Variants in MEA1 observed in about 807,000 individuals in gnomAD.
MEA1 encodes Male-enhanced antigen (H-Y structural gene).
MEA1 carries 22 observed loss-of-function variants against 21.4 expected under a neutral mutation model. That is an observed-to-expected ratio of 1.03 (90% CI 0.73 to 1.47). MEA1 has a LOEUF of 1.47. Among genes scored for constraint, MEA1 ranks in the 40% most tolerant of loss-of-function variants. The pLI is 0.00. For missense variants in MEA1, 233 were observed against 230.5 expected, an observed-to-expected ratio of 1.01 and a Z score of -0.07; for synonymous variants, 91 against 85.5, an observed-to-expected ratio of 1.06 and a Z score of -0.35.
chr6:43,013,671 C>T, intron 1 of MEA1, 115 bp downstream of exon 1: 2 of 1,157,388 alleles, frequency 1.7e-6, no homozygotes, highest in Admixed American at 2.2e-5. Context: ...TCCAGAACCC[C>T]GGCTCCCCGC....
intron 3 of MEA1, 60 bp downstream of exon 3, chr6:43,012,866 C>T: frequency 2.0e-6 from 3 of 1,498,854 alleles, no homozygotes; most frequent in Non-Finnish European, 2.8e-6. Flanking sequence ...CTTCCTTCTA[C>T]TGACTCATGC....
At chr6:43,015,055 A>G (rs1439214840), upstream of MEA1, among the ~76,000 whole-genome samples, 1 of 152,184 alleles carries the variant, frequency 6.6e-6, no homozygotes, top group Non-Finnish European at 1.5e-5. Flanking sequence ...GGAATTGCTT[A>G]TCTCCTCTCC....
intron 3 of MEA1, 81 bp from the exon 4 acceptor site, chr6:43,012,702 C>T: frequency 6.8e-7 from 1 of 1,479,102 alleles, no homozygotes; most frequent in Non-Finnish European, 9.1e-7. Context: ...CAACCCAGAG[C>T]CCTTGGGCTG....
chr6:43,011,259 C>G lies in MEA1; in HGVS notation c.*1211G>C. 6.2e-7 allele frequency: 1 copy of G among 1,614,072 alleles called. No individual in the cohort carries two copies. ...AGGCGCACAAGCGGGCGGAAGAGTT[C>G]CTAACTGCCAGCCAGGAGGCTCTCT... is the stretch of plus-strand genomic sequence containing the variant. On this transcript the variant is annotated 3_prime_UTR_variant, in exon 4 of 4. Transcript: ENST00000244711.
rs1460885270 is a variant in MEA1, at chr6:43,013,253, C to T, written c.165G>A (p.Glu55=). The T allele has an allele frequency of 1.2e-6, 2 of 1,614,194 alleles. No homozygotes were observed. The highest frequency in any genetic ancestry group is 2.2e-5 in the South Asian group (2 of 91,090). ...CCGACCCCGTTTCCTCCTGCTCTTC[C>T]TCAGGCTCCTCACTGCTCCAATCCC... is the stretch of plus-strand genomic sequence containing the variant. The part of the protein sequence containing the change: ...GTGDWSSEEP[E]EEQEETGSGP... Residue 55 remains glutamate (E), a synonymous_variant, in exon 2 of 4, where the codon GAG becomes GAA. Coordinates refer to ENST00000244711, the MANE Select transcript of MEA1 (RefSeq NM_014623.4).
rs757219011 is a variant in MEA1 at position 43,013,836 on chromosome 6, G to A, written c.-23C>T. 8 of 1,542,348 alleles carry A rather than the reference G, an allele frequency of 5.2e-6. No homozygotes were observed. The highest frequency in any genetic ancestry group is 7.0e-6 in the Non-Finnish European group (8 of 1,145,084). ...CATGGGCTCCCCTCAAATGGCCCCA[G>A]CTGCAGCGTCCCCCACCCGCCCCCA... On this transcript the variant is annotated 5_prime_UTR_variant, in exon 1 of 4. Coordinates refer to ENST00000244711, the MANE Select transcript of MEA1 (RefSeq NM_014623.4).
upstream of MEA1, among the ~76,000 whole-genome samples, chr6:43,016,168 C>T (rs1450622860): frequency 1.3e-5 from 2 of 152,106 alleles, no homozygotes; most frequent in African/African-American, 2.4e-5. Context: ...CTCTTGATCT[C>T]GTGATCCACC....
rs762197156 is a variant in MEA1, at chr6:43,013,401, G to A, written c.29-12C>T. 111 of 1,610,508 alleles carry A rather than the reference G, an allele frequency of 6.9e-5. 1 individual carries two copies. In the Middle Eastern group the frequency reaches 1.0e-3, roughly 14 times the overall value. ...CATCCGGGCAGGGGCTGCAAGAACA[G>A]GGAGGCGGTAGGACAGGGATCGGAT... is the stretch of plus-strand genomic sequence containing the variant. On this transcript the variant is annotated splice_polypyrimidine_tract_variant and intron_variant, in intron 1 of 3. Coordinates refer to ENST00000244711, the MANE Select transcript of MEA1 (RefSeq NM_014623.4).
At chr6:43,015,484 G>A (rs1459506395), upstream of MEA1, among the ~76,000 whole-genome samples, 1 of 152,146 alleles carries the variant, frequency 6.6e-6, no homozygotes, top group African/African-American at 2.4e-5. Flanking sequence ...ATTGTCAGTT[G>A]CAAGGATTTG....
chr6:43,012,821 A>G, intron 3 of MEA1, 105 bp downstream of exon 3: 1 of 1,316,012 alleles, frequency 7.6e-7, no homozygotes, highest in Admixed American at 1.8e-5. Flanking sequence ...CTTAGTTTAC[A>G]AACTATCTTT....
Position 43,012,930 on chromosome 6 carries a change from G to GAATGA in MEA1, c.401_402insTCATT (p.Pro135HisfsTer6). ...AATGAAAGAATGATCTTTTACCTGG[G>GAATGA]TCCATGGGAATAGAGCTGTGGTTGT... On this transcript the variant is annotated frameshift_variant, in exon 3 of 4. Transcript: ENST00000244711. LOFTEE classifies it high-confidence loss of function. The GAATGA allele has an allele frequency of 6.2e-7, 1 of 1,612,936 alleles. No homozygotes were observed. Among genetic ancestry groups the GAATGA allele is most frequent in the Non-Finnish European group, 8.5e-7 (1 of 1,178,896 alleles).
At chr6:43,014,706 T>C (rs1008177907), upstream of MEA1, 1 of 441,076 alleles carries the variant, frequency 2.3e-6, no homozygotes, top group Admixed American at 2.4e-5. Flanking sequence ...CAGAGAGGGG[T>C]ATCGTGGTCA....
In MEA1 at chr6:43,012,399, A is replaced by G. The variant is rs1389198029; in HGVS notation, c.*71T>C. The stretch of plus-strand genomic sequence containing the variant: ...GGGGAAGATGGAAATGGACATTACA[A>G]CCAGGGATGTGTTCAGTCCTGTGCT... On this transcript the variant is annotated 3_prime_UTR_variant, in exon 4 of 4. Transcript: ENST00000244711. 1 of 1,495,744 alleles carries G rather than the reference A, an allele frequency of 6.7e-7. No homozygotes were observed. Among genetic ancestry groups the G allele is most frequent in the African/African-American group, 1.4e-5 (1 of 71,100 alleles). 92.7% of individuals were successfully genotyped at this position (1,495,744 alleles called of 1,614,324 possible).
At chr6:43,013,953 A>G (rs1334384723), upstream of MEA1, 2 of 1,449,560 alleles carry the variant, frequency 1.4e-6, no homozygotes, top group Non-Finnish European at 1.8e-6. Context: ...AGAGGTGCCT[A>G]GTCCTCCAGC....
chr6:43,016,483 G>A (rs1213992431), upstream of MEA1: 1 of 152,316 alleles, frequency 6.6e-6, no homozygotes, highest in Admixed American at 6.5e-5. Flanking sequence ...TTGTGCCTGT[G>A]GGGGGCCCTG....
In MEA1 at chr6:43,011,345, C is replaced by T. The variant is rs1431455610; in HGVS notation, c.*1125G>A. The T allele has an allele frequency of 1.2e-6, 2 of 1,602,894 alleles. No homozygotes were observed. Among genetic ancestry groups the T allele is most frequent in the Admixed American group, 1.7e-5 (1 of 59,172 alleles). On this transcript the variant is annotated 3_prime_UTR_variant, in exon 4 of 4. Transcript: ENST00000244711. Reference sequence around the variant, plus strand: ...CACAGCCCTGGGACACTGCCCTGGCCCTCCATACTCTGCTCCCTACTGGCT... The same window carrying T: ...CACAGCCCTGGGACACTGCCCTGGCTCTCCATACTCTGCTCCCTACTGGCT...
intron 1 of MEA1, 169 bp downstream of exon 1, chr6:43,013,616 TA>T (rs774969438): frequency 1.2e-6 from 1 of 839,156 alleles, no homozygotes; most frequent in Non-Finnish European, 1.9e-6. Context: ...ACTTCCTAGT[TA>T]AACGCCCAAC....
rs765756373 is a variant in MEA1, at chr6:43,013,164, G to A, written c.254C>T (p.Ala85Val). The A allele has an allele frequency of 6.2e-6, 10 of 1,613,972 alleles. No homozygotes were observed. The African/African-American group carries it at 1.3e-4, about 22-fold the overall frequency. Residue 85 changes from alanine (A) to valine (V), a missense_variant, in exon 2 of 4, where the codon GCA becomes GTA. By Grantham distance (64) the Ala-to-Val change is moderately conservative. Transcript: ENST00000244711. ...AACTACATCTCCATCCCCCACTGGTGCCAGTTCCACCTCCTCTTGTTCAGG... is the reference window on the plus strand; with the variant it reads ...AACTACATCTCCATCCCCCACTGGTACCAGTTCCACCTCCTCTTGTTCAGG... ...QDPEQEEVELAPVGDGDVVAD... is the reference protein window; with the variant it reads ...QDPEQEEVELVPVGDGDVVAD...
At chr6:43,014,534 G>T (rs1480089730), upstream of MEA1, 2 of 467,528 alleles carry the variant, frequency 4.3e-6, no homozygotes, top group Non-Finnish European at 8.5e-6. Flanking sequence ...GAGGAGATGG[G>T]TAGGAGAGAC....
Sources: allele counts gnomAD v4.1 joint callset (sites outside exome capture counted in the v4.1 genomes callset), GRCh38; gene constraint gnomAD v4.1.1; transcripts MANE v1.5; gene names NCBI Gene and HGNC (gene_info 2026-07-23, HGNC 2026-07-21).